Variants in PPP2R2B observed in about 807,000 individuals in gnomAD.
The protein encoded by PPP2R2B is serine/threonine-protein phosphatase 2A 55 kDa regulatory subunit B beta isoform.
PPP2R2B carries 5 observed loss-of-function variants against 46.0 expected under a neutral mutation model. The observed-to-expected ratio is 0.11, with a 90% CI of 0.06 to 0.23. The LOEUF (loss-of-function observed/expected upper bound fraction) is 0.23, where lower values mean the gene tolerates loss of function less well. Among genes scored for constraint, PPP2R2B ranks in the 10% least tolerant of loss-of-function variants. PPP2R2B has a pLI of 1.00. For synonymous variants in PPP2R2B, 215 were observed against 206.7 expected, an observed-to-expected ratio of 1.04 and a Z score of -0.34; for missense variants, 367 against 575.0, an observed-to-expected ratio of 0.64 and a Z score of 3.70.
chr5:146,882,466 CT>C (rs879263811), upstream of PPP2R2B, among the ~76,000 whole-genome samples: 8 of 152,292 alleles, frequency 5.3e-5, no homozygotes, highest in Non-Finnish European at 1.0e-4. Context: ...TTTTCTGTCA[CT>C]TATTTTTCTG....
intron 1 of PPP2R2B, among the ~76,000 whole-genome samples, chr5:146,899,108 G>T (rs1762740039): frequency 6.6e-6 from 1 of 151,174 alleles, no homozygotes. Context: ...ATTTGACCCA[G>T]CCATCCCATT....
intron 1 of PPP2R2B, among the ~76,000 whole-genome samples, chr5:147,041,410 C>G (rs1756291732): frequency 6.6e-6 from 1 of 152,210 alleles, no homozygotes; most frequent in African/African-American, 2.4e-5. Context: ...CTCTCTCCAA[C>G]TGAGACTTAG....
rs1197999452 is a variant in PPP2R2B at position 146,812,776 on chromosome 5, T to TGC, written c.70+65225_70+65226insGC. 6.8e-4 allele frequency among the ~76,000 whole-genome samples: 29 copies of TGC among 42,950 alleles called. 1 individual carries two copies. Among genetic ancestry groups the TGC allele is most frequent in the African/African-American group, 3.0e-3 (29 of 9,822 alleles). 28.2% of individuals were successfully genotyped at this position (42,950 alleles called of 152,430 possible). On this transcript the variant is annotated intron_variant, in intron 2 of 9. Coordinates refer to ENST00000394411, the MANE Select transcript of PPP2R2B (RefSeq NM_181675.4). ...TATCACTAGAGTTACTTAATGTGTG[T>TGC]GTGTGTGTATATGTGTGTATATATA... is the stretch of plus-strand genomic sequence containing the variant.
intron 8 of PPP2R2B, among the ~76,000 whole-genome samples, chr5:146,597,921 C>G (rs992834789): frequency 2.6e-5 from 4 of 152,358 alleles, no homozygotes; most frequent in African/African-American, 9.6e-5. Flanking sequence ...TCCATCCCCT[C>G]TGGCTTCCCC....
At chr5:147,020,809 A>G (rs1226073545) in intron 1 of PPP2R2B, among the ~76,000 whole-genome samples, 1 of 152,202 alleles carries the variant, frequency 6.6e-6, no homozygotes, top group East Asian at 1.9e-4. Context: ...TCAGGCATTT[A>G]TATTCTTAAC....
chr5:146,785,025 T>C (rs150456356), intron 2 of PPP2R2B, among the ~76,000 whole-genome samples: 1 of 152,290 alleles, frequency 6.6e-6, no homozygotes, highest in Admixed American at 6.5e-5. Context: ...TAAAGTACAA[T>C]CGTAGCACTC....
At chr5:146,916,930 C>G (rs1377170214) in intron 1 of PPP2R2B, among the ~76,000 whole-genome samples, 1 of 152,032 alleles carries the variant, frequency 6.6e-6, no homozygotes, top group Non-Finnish European at 1.5e-5. Flanking sequence ...CATGAATTTG[C>G]TCATCTAAAA....
chr5:146,954,571 G>T (rs2151837723), intron 1 of PPP2R2B, among the ~76,000 whole-genome samples: 1 of 152,122 alleles, frequency 6.6e-6, no homozygotes. Flanking sequence ...CACTGCTTGG[G>T]TGATGGGTGC....
At chr5:146,619,301 C>T (rs1038128249) in intron 7 of PPP2R2B, among the ~76,000 whole-genome samples, 4 of 120,784 alleles carry the variant, frequency 3.3e-5, no homozygotes, top group Admixed American at 1.7e-4. Flanking sequence ...CCCGTCTCTA[C>T]TAAAAAAAAA....
At chr5:146,709,194 A>T (rs1044043895) in intron 2 of PPP2R2B, among the ~76,000 whole-genome samples, 12 of 152,208 alleles carry the variant, frequency 7.9e-5, no homozygotes, top group African/African-American at 2.9e-4. Flanking sequence ...CTTAGATGAA[A>T]GAATACAGAT....
chr5:146,912,398 T>C (rs1763219674), intron 1 of PPP2R2B, among the ~76,000 whole-genome samples: 1 of 151,878 alleles, frequency 6.6e-6, no homozygotes. Flanking sequence ...TGAAGAGTAG[T>C]GGGGAGAGAG....
intron 2 of PPP2R2B, among the ~76,000 whole-genome samples, chr5:146,725,324 C>A (rs192033578): frequency 1.1e-3 from 166 of 151,938 alleles, no homozygotes; most frequent in Non-Finnish European, 1.4e-3. Flanking sequence ...AGTTTTATTG[C>A]GAAAATGGAA....
At chr5:146,682,135 A>G (rs890564193) in intron 5 of PPP2R2B, among the ~76,000 whole-genome samples, 2 of 152,210 alleles carry the variant, frequency 1.3e-5, no homozygotes, top group South Asian at 2.1e-4. Context: ...TAATTACTAC[A>G]TGGTAAGTGC....
At position 146,688,322 on chromosome 5, in the gene PPP2R2B, GA is replaced by G. The variant is rs968233297; in HGVS notation, c.447+2805del. 1.1e-3 allele frequency among the ~76,000 whole-genome samples: 160 copies of G among 149,216 alleles called. 1 individual carries two copies. Among genetic ancestry groups the G allele is most frequent in the African/African-American group, 2.0e-3 (80 of 40,648 alleles). On this transcript the variant is annotated intron_variant, in intron 5 of 9. Coordinates refer to ENST00000394411, the MANE Select transcript of PPP2R2B (RefSeq NM_181675.4). ...AACAGGTTCATAAAAATGATAGCTT[GA>G]AAAAAAAAATGATAGCTCGAATGGG... is the stretch of plus-strand genomic sequence containing the variant.
At chr5:146,892,583 G>T (rs908829862) in intron 1 of PPP2R2B, among the ~76,000 whole-genome samples, 1 of 151,976 alleles carries the variant, frequency 6.6e-6, no homozygotes, top group African/African-American at 2.4e-5. Context: ...CCCCTTCCAA[G>T]CCACGCTCCT....
At chr5:146,597,538 T>C (rs1561754957) in intron 8 of PPP2R2B, among the ~76,000 whole-genome samples, 1 of 152,208 alleles carries the variant, frequency 6.6e-6, no homozygotes. Flanking sequence ...TTGTACTCAT[T>C]TGGCAAAACT....
At chr5:146,966,935 T>C (rs1198934286) in intron 1 of PPP2R2B, among the ~76,000 whole-genome samples, 22 of 152,170 alleles carry the variant, frequency 1.4e-4, no homozygotes, top group Non-Finnish European at 1.2e-4. Flanking sequence ...AATTGATCTT[T>C]CAATTTCAAC....
intron 2 of PPP2R2B, among the ~76,000 whole-genome samples, chr5:147,079,063 ATCT>A (rs1322712392): frequency 2.0e-5 from 3 of 151,926 alleles, no homozygotes; most frequent in Admixed American, 6.6e-5. Flanking sequence ...ACACTCAAAA[ATCT>A]TCTTTTAGGT....
chr5:146,647,114 G>T (rs1004533106), intron 6 of PPP2R2B, among the ~76,000 whole-genome samples: 2 of 101,552 alleles, frequency 2.0e-5, no homozygotes, highest in African/African-American at 3.3e-5. Flanking sequence ...CAGATCCCTT[G>T]TCTCACTATT....
Sources: allele counts gnomAD v4.1 joint callset (sites outside exome capture counted in the v4.1 genomes callset), GRCh38; gene constraint gnomAD v4.1.1; transcripts MANE v1.5; gene names NCBI Gene and HGNC (gene_info 2026-07-23, HGNC 2026-07-21).